The following C8orf34 variants were observed in gnomAD, a reference collection of about 807,000 sequenced individuals.
C8orf34 encodes uncharacterized protein C8orf34.
In C8orf34, 65 loss-of-function variants were observed where a neutral mutation model predicts 68.3. That is an observed-to-expected ratio of 0.95 (90% CI 0.78 to 1.17). The LOEUF is 1.17. Among genes scored for constraint, C8orf34 ranks in the 50% most tolerant of loss-of-function variants. The pLI is 0.00. For missense variants in C8orf34, 664 were observed against 655.4 expected, an observed-to-expected ratio of 1.01 and a Z score of -0.14; for synonymous variants, 244 against 241.2, an observed-to-expected ratio of 1.01 and a Z score of -0.11.
At chr8:68,790,876 A>G in intron 12 of C8orf34, 1 of 701,592 alleles carries the variant, frequency 1.4e-6, no homozygotes, top group Non-Finnish European at 2.6e-6. Context: ...ATACTTTGGT[A>G]ATATTTGCTT....
chr8:68,626,214 G>T (rs1818534331), intron 7 of C8orf34, among the ~76,000 whole-genome samples: 1 of 152,134 alleles, frequency 6.6e-6, no homozygotes, highest in Non-Finnish European at 1.5e-5. Context: ...TAGTATCAGA[G>T]CTTAGGACTT....
chr8:68,666,269 G>A (rs781767022), intron 8 of C8orf34, among the ~76,000 whole-genome samples: 19 of 152,106 alleles, frequency 1.2e-4, no homozygotes, highest in African/African-American at 2.4e-5. Context: ...CCAAGAAAGT[G>A]GCTGTGTGAT....
intron 1 of C8orf34, among the ~76,000 whole-genome samples, chr8:68,422,162 T>C (rs1363297431): frequency 6.6e-6 from 1 of 152,160 alleles, no homozygotes; most frequent in African/African-American, 2.4e-5. Flanking sequence ...CAAAACACAA[T>C]CATGTGTGTC....
chr8:68,429,976 G>A (rs964462906), intron 1 of C8orf34, among the ~76,000 whole-genome samples: 5 of 152,028 alleles, frequency 3.3e-5, no homozygotes, highest in South Asian at 2.1e-4. Flanking sequence ...TCTTTTGTTC[G>A]AATGAGGTGA....
At chr8:68,814,627 T>C (rs1000296837) in intron 12 of C8orf34, among the ~76,000 whole-genome samples, 34 of 152,324 alleles carry the variant, frequency 2.2e-4, no homozygotes, top group Admixed American at 2.1e-3. Context: ...GGTGTTTTGC[T>C]TAGAACCATC....
In C8orf34 at chr8:68,759,431, C is replaced by G. The variant is rs959060659; in HGVS notation, c.1405-16968C>G. On this transcript the variant is annotated intron_variant, in intron 10 of 13. Transcript: ENST00000518698. ...GCAATTTTGTGTTTTCTTGTTTCTT[C>G]ACACACCCACCCCATTCATCCTCAT... Among the ~76,000 whole-genome samples, 4 of 152,140 alleles carry G rather than the reference C, an allele frequency of 2.6e-5. 1 individual carries two copies. Among genetic ancestry groups the G allele is most frequent in the Non-Finnish European group, 5.9e-5 (4 of 68,018 alleles).
intron 8 of C8orf34, among the ~76,000 whole-genome samples, chr8:68,641,605 G>A (rs771567532): frequency 1.3e-5 from 2 of 152,228 alleles, no homozygotes; most frequent in African/African-American, 2.4e-5. Flanking sequence ...AGAGTTATAC[G>A]ATACTTTGTT....
chr8:68,540,836 C>T (rs1333851677), intron 7 of C8orf34, among the ~76,000 whole-genome samples: 1 of 86,366 alleles, frequency 1.2e-5, no homozygotes, highest in South Asian at 5.1e-4. Context: ...AGCGAGACTG[C>T]GTCTCAAACA....
At chr8:68,679,789 A>T (rs148516854) in intron 8 of C8orf34, among the ~76,000 whole-genome samples, 2 of 152,302 alleles carry the variant, frequency 1.3e-5, no homozygotes, top group East Asian at 3.9e-4. Context: ...ATTTAAAGTG[A>T]ACTCGTTTTC....
chr8:68,525,555 T>A (rs190822442), intron 6 of C8orf34: 17 of 906,682 alleles, frequency 1.9e-5, no homozygotes, highest in Non-Finnish European at 2.8e-5. Flanking sequence ...CCTGTGTGTC[T>A]TCGTCTTACT....
At chr8:68,366,325 A>G (rs1217290181) in intron 1 of C8orf34, among the ~76,000 whole-genome samples, 1 of 136,822 alleles carries the variant, frequency 7.3e-6, no homozygotes, top group Admixed American at 7.2e-5. Context: ...ATACTGCCCA[A>G]GGTAATTTAT....
chr8:68,606,439 G>T (rs1817856136), intron 7 of C8orf34, among the ~76,000 whole-genome samples: 1 of 152,016 alleles, frequency 6.6e-6, no homozygotes, highest in Non-Finnish European at 1.5e-5. Context: ...ATAAAAGTTG[G>T]CCCATAACTT....
chr8:68,706,380 G>A (rs549433433), intron 8 of C8orf34, among the ~76,000 whole-genome samples: 2 of 152,062 alleles, frequency 1.3e-5, no homozygotes, highest in Non-Finnish European at 2.9e-5. Context: ...ATTTGGTTGC[G>A]TAGAAAGTGT....
chr8:68,422,984 G>C (rs1349426944), intron 1 of C8orf34, among the ~76,000 whole-genome samples: 1 of 152,200 alleles, frequency 6.6e-6, no homozygotes. Context: ...GGGATTCAGG[G>C]CACCATGTCC....
chr8:68,464,447 T>C (rs1225646787), intron 3 of C8orf34, among the ~76,000 whole-genome samples: 1 of 151,606 alleles, frequency 6.6e-6, no homozygotes, highest in Non-Finnish European at 1.5e-5. Flanking sequence ...TGGAAAAAAC[T>C]ACTTTAAAGT....
At chr8:68,484,840 A>G (rs974341706) in intron 4 of C8orf34, among the ~76,000 whole-genome samples, 19 of 152,234 alleles carry the variant, frequency 1.2e-4, no homozygotes, top group Admixed American at 1.0e-3. Context: ...TGACATTGAT[A>G]ATAGAAAGCT....
At chr8:68,428,089 C>A (rs1189439824) in intron 1 of C8orf34, among the ~76,000 whole-genome samples, 2 of 150,848 alleles carry the variant, frequency 1.3e-5, no homozygotes, top group African/African-American at 4.9e-5. Flanking sequence ...AAAAAGGAAA[C>A]AAAAGAAAAT....
In C8orf34 at chr8:68,633,938, A is replaced by G. The variant is rs11987693; in HGVS notation, c.1106-6438A>G. Among the ~76,000 whole-genome samples the G allele has an allele frequency of 9.3e-3, 1,406 of 151,982 alleles. 24 individuals are homozygous for G. Among genetic ancestry groups the G allele is most frequent in the African/African-American group, 0.031 (1,275 of 41,472 alleles). On this transcript the variant is annotated intron_variant, in intron 7 of 13. Coordinates refer to ENST00000518698, the MANE Select transcript of C8orf34 (RefSeq NM_052958.4). ...TTGGCTGAGCCTGAGAATTAAATTG[A>G]CACAATAGAAATTAACAGAAGAAAA...
chr8:68,682,919 T>A (rs1158468241), intron 8 of C8orf34, among the ~76,000 whole-genome samples: 1 of 152,040 alleles, frequency 6.6e-6, no homozygotes, highest in Non-Finnish European at 1.5e-5. Flanking sequence ...AGGAAAAAAA[T>A]GTTTCGCGCG....
Sources: gnomAD v4.1 joint callset for allele counts (sites outside exome capture counted in the v4.1 genomes callset) on GRCh38, gnomAD v4.1.1 for gene constraint, MANE v1.5 for transcripts, NCBI Gene and HGNC (gene_info 2026-07-23, HGNC 2026-07-21) for gene names.